Variants in ABCC11 observed in about 807,000 individuals in gnomAD.
The protein encoded by ABCC11 is ATP-binding cassette sub-family C member 11.
Under a neutral mutation model 149.3 loss-of-function variants are expected in ABCC11, and 135 were observed. The ratio of observed to expected loss-of-function variants is 0.90; its 90% confidence interval spans 0.79 to 1.04. ABCC11 has a LOEUF of 1.04. ABCC11 is among the 50% of genes least tolerant of loss of function. The pLI is 0.00. For missense variants in ABCC11, 1,680 were observed against 1,722.1 expected, an observed-to-expected ratio of 0.98 and a Z score of 0.43; for synonymous variants, 665 against 671.4, an observed-to-expected ratio of 0.99 and a Z score of 0.15.
At chr16:48,227,404 G>A (rs1200027417) in intron 4 of ABCC11, among the ~76,000 whole-genome samples, 1 of 150,806 alleles carries the variant, frequency 6.6e-6, no homozygotes, top group Non-Finnish European at 1.5e-5. Context: ...AACCCAGGAG[G>A]CAGAGGTTGC....
intron 12 of ABCC11, among the ~76,000 whole-genome samples, chr16:48,207,376 G>C (rs948237041): frequency 1.3e-5 from 2 of 152,142 alleles, no homozygotes; most frequent in Non-Finnish European, 2.9e-5. Flanking sequence ...TTTTGAAACT[G>C]GAGAAATGGC....
intron 11 of ABCC11, among the ~76,000 whole-genome samples, chr16:48,209,053 T>C (rs1968687938): frequency 6.6e-6 from 1 of 152,208 alleles, no homozygotes; most frequent in Non-Finnish European, 1.5e-5. Flanking sequence ...AGATAAGTGA[T>C]ATGAGTAAAA....
intron 6 of ABCC11, among the ~76,000 whole-genome samples, chr16:48,219,090 TA>T (rs1052804399): frequency 6.6e-6 from 1 of 151,580 alleles, no homozygotes; most frequent in African/African-American, 2.4e-5. Flanking sequence ...ACCACTTACA[TA>T]AAAATACACA....
rs1970556241 is a variant in ABCC11 at position 48,233,930 on chromosome 16, C to T, written c.-18-1991G>A. On this transcript the variant is annotated intron_variant, in intron 1 of 29. Coordinates refer to ENST00000356608, the MANE Select transcript of ABCC11 (RefSeq NM_001370497.1). ...ACTCATTTGCCAATGACCTGAGTAACTTTGCTGAATAGTTTTCAAATGCTG... is the reference window on the plus strand; with the variant it reads ...ACTCATTTGCCAATGACCTGAGTAATTTTGCTGAATAGTTTTCAAATGCTG... Among the ~76,000 whole-genome samples the T allele has an allele frequency of 2.6e-5, 4 of 152,240 alleles. No individual in the cohort carries two copies. In the South Asian group the frequency reaches 6.2e-4, roughly 24 times the overall value.
rs11864629 is a variant in ABCC11, at chr16:48,212,580, T to C, written c.1356+863A>G. Among the ~76,000 whole-genome samples the C allele has an allele frequency of 3.5e-3, 530 of 152,352 alleles. 2 individuals carry two copies. The highest frequency in any genetic ancestry group is 0.012 in the African/African-American group (506 of 41,584). Reference sequence around the variant, plus strand: ...ACATCACATTGTTTTATTGGCATCATGGCTCTTCATGTGATCTGATCTAAT... The same window carrying C: ...ACATCACATTGTTTTATTGGCATCACGGCTCTTCATGTGATCTGATCTAAT... On this transcript the variant is annotated intron_variant, in intron 10 of 29. Transcript: ENST00000356608.
intron 28 of ABCC11, among the ~76,000 whole-genome samples, chr16:48,168,539 T>C (rs1037707230): frequency 1.3e-5 from 2 of 152,222 alleles, no homozygotes; most frequent in Non-Finnish European, 2.9e-5. Flanking sequence ...GGTATGTGCA[T>C]ATGCATGCAT....
chr16:48,180,859 A>G lies in ABCC11; in HGVS notation c.3259-2173T>C, dbSNP rs569642502. Among the ~76,000 whole-genome samples the G allele has an allele frequency of 8.0e-4, 122 of 152,360 alleles. 2 individuals carry two copies. The South Asian group carries it at 0.02, about 25-fold the overall frequency. On this transcript the variant is annotated intron_variant, in intron 23 of 29. Transcript: ENST00000356608. The stretch of plus-strand genomic sequence containing the variant: ...GAAAGTACTGAAGGACTGGGAACTG[A>G]GACGTTATTACCAGGATGAAGATAA...
At chr16:48,213,652 C>T (rs915501541) in intron 9 of ABCC11, 102 bp from the exon 10 acceptor site, 1 of 839,588 alleles carries the variant, frequency 1.2e-6, no homozygotes. Flanking sequence ...ATCCAACAAG[C>T]AGTTGCTTCA....
At position 48,193,914 on chromosome 16, in the gene ABCC11, A is replaced by G. The variant is rs1468640929; in HGVS notation, c.2473T>C (p.Trp825Arg). The change falls in exon 19 of 30, where the codon TGG becomes CGG. Residue 825 changes from tryptophan (W) to arginine (R), a missense_variant. Coordinates refer to ENST00000356608, the MANE Select transcript of ABCC11 (RefSeq NM_001370497.1). The part of the protein sequence containing the change: ...LIVFLTIFSF[W>R]WLSYWLEQGS... ...TGCTCCAACCAGTAGCTCAGCCACC[A>G]GAAGCTGAAGATCGTTAAGAAGACG... The G allele has an allele frequency of 1.9e-6, 3 of 1,614,084 alleles. No individual in the cohort carries two copies. The highest frequency in any genetic ancestry group is 1.1e-5 in the South Asian group (1 of 91,074).
rs984860837 is a variant in ABCC11, at chr16:48,203,162, G to A, written c.1878+66C>T. 1.7e-5 allele frequency: 25 copies of A among 1,445,184 alleles called. No individual in the cohort carries two copies. In the East Asian group the frequency reaches 6.2e-4, roughly 36 times the overall value. 89.5% of individuals were successfully genotyped at this position (1,445,184 alleles called of 1,614,324 possible). ...GCTGGGATTCCTCCCTTCCCTGCCT[G>A]GGGAGGCAGCATGAACATAAGAGCA... On this transcript the variant is annotated intron_variant, in intron 14 of 29. Coordinates refer to ENST00000356608, the MANE Select transcript of ABCC11 (RefSeq NM_001370497.1).
Position 48,184,570 on chromosome 16 carries a change from G to A in ABCC11, c.3128C>T (p.Thr1043Ile), listed in dbSNP as rs1966639847. The change falls in exon 23 of 30, where the codon ACA (threonine) becomes ATA (isoleucine). Residue 1043 changes from threonine (T) to isoleucine (I), a missense_variant. Coordinates refer to ENST00000356608, the MANE Select transcript of ABCC11 (RefSeq NM_001370497.1). ...CTCCAGCCTCAATGCCATCCATCGT[G>A]TGGAAGATAGAAACAACAGCAGGTA... is the stretch of plus-strand genomic sequence containing the variant. ...NNYLLLFLSS[T>I]RWMALRLEIM... 6.2e-7 allele frequency: 1 copy of A among 1,614,264 alleles called. No homozygotes were observed. The highest frequency in any genetic ancestry group is 8.5e-7 in the Non-Finnish European group (1 of 1,180,046).
intron 3 of ABCC11, among the ~76,000 whole-genome samples, chr16:48,228,212 GTT>G (rs971333642): frequency 7.1e-6 from 1 of 141,792 alleles, no homozygotes. Context: ...GATGTTTGGG[GTT>G]TTTTTTTTTT....
At position 48,194,662 on chromosome 16, in the gene ABCC11, A is replaced by G. The variant is rs998798639; in HGVS notation, c.2405-680T>C. 3.3e-5 allele frequency among the ~76,000 whole-genome samples: 5 copies of G among 152,198 alleles called. No individual in the cohort carries two copies. In the South Asian group the frequency reaches 1.0e-3, roughly 31 times the overall value. ...TGCCCTTAAAAAAGAGGCTTCAGAG[A>G]GCTGCCTTCCTGGTTTTTTGTCCCT... On this transcript the variant is annotated intron_variant, in intron 18 of 29. Transcript: ENST00000356608.
intron 1 of ABCC11, among the ~76,000 whole-genome samples, chr16:48,245,806 G>A (rs1214944702): frequency 6.6e-6 from 1 of 152,008 alleles, no homozygotes; most frequent in Non-Finnish European, 1.5e-5. Context: ...AATTTTATAT[G>A]TGGTCCACAT....
chr16:48,213,404 C>A (rs746280594), intron 10 of ABCC11, 39 bp downstream of exon 10: 1 of 1,562,112 alleles, frequency 6.4e-7, no homozygotes, highest in South Asian at 1.1e-5. Flanking sequence ...AGAGGAGCGT[C>A]CAAGCAGGGG....
At chr16:48,222,266 C>G (rs777684248) in intron 6 of ABCC11, among the ~76,000 whole-genome samples, 1 of 151,546 alleles carries the variant, frequency 6.6e-6, no homozygotes, top group Non-Finnish European at 1.5e-5. Context: ...TTGGTAGAGA[C>G]GGAGTCTTTC....
In ABCC11 at chr16:48,187,383, G is replaced by A. The variant is rs1285773693; in HGVS notation, c.2751C>T (p.Gly917=). The change falls in exon 21 of 30, where the codon GGC becomes GGT. Residue 917 remains glycine (G), a synonymous_variant. Coordinates refer to ENST00000356608, the MANE Select transcript of ABCC11 (RefSeq NM_001370497.1). The stretch of plus-strand genomic sequence containing the variant: ...CCCCTGCGAAGCAGTTCAAAAGCCG[G>A]CCTATTGGGATGGTGTCAAAGAAAC... ...PMSFFDTIPI[G]RLLNCFAGDL... The A allele has an allele frequency of 6.2e-7, 1 of 1,613,966 alleles. No homozygotes were observed.
intron 14 of ABCC11, 132 bp from the exon 15 acceptor site, chr16:48,200,611 G>A: frequency 2.2e-6 from 2 of 918,632 alleles, no homozygotes; most frequent in Non-Finnish European, 3.2e-6. Flanking sequence ...CAGGATACCT[G>A]ATAATTTGGC....
rs1346840076 is a variant in ABCC11, at chr16:48,237,848, AC to A, written c.-18-5910del. Reference sequence around the variant, plus strand: ...GCCTACAACAGTGCCCTTGGCCCCCACCCCCTAATCTTTGCATTGATTTATG... The same window carrying A: ...GCCTACAACAGTGCCCTTGGCCCCCACCCCTAATCTTTGCATTGATTTATG... On this transcript the variant is annotated intron_variant, in intron 1 of 29. Transcript: ENST00000356608. 2.0e-5 allele frequency among the ~76,000 whole-genome samples: 3 copies of A among 151,792 alleles called. No homozygotes were observed. In the East Asian group the frequency reaches 5.8e-4, roughly 29 times the overall value.
Sources: gnomAD v4.1 joint callset for allele counts (sites outside exome capture counted in the v4.1 genomes callset) on GRCh38, gnomAD v4.1.1 for gene constraint, MANE v1.5 for transcripts, NCBI Gene and HGNC (gene_info 2026-07-23, HGNC 2026-07-21) for gene names.